Variants in GRM4 observed in about 807,000 individuals in gnomAD.
GRM4 encodes the protein glutamate metabotropic receptor 4.
GRM4 carries 28 observed loss-of-function variants against 81.7 expected under a neutral mutation model. The ratio of observed to expected loss-of-function variants is 0.34; its 90% CI spans 0.25 to 0.47. GRM4 has a LOEUF of 0.47. GRM4 is among the 20% of genes least tolerant of loss of function. The pLI is 1.00. For missense variants in GRM4, 948 were observed against 1,290.0 expected (o/e 0.73, Z 4.06); for synonymous variants, 488 against 528.8 (o/e 0.92, Z 1.06).
intron 9 of GRM4, among the ~76,000 whole-genome samples, chr6:34,031,896 G>A (rs947107361): frequency 2.6e-5 from 4 of 152,026 alleles, no homozygotes; most frequent in Admixed American, 2.6e-4. Flanking sequence ...GTACGTACCT[G>A]CATTGACACA....
chr6:34,122,107 G>A (rs1164230785), intron 2 of GRM4, among the ~76,000 whole-genome samples: 1 of 152,090 alleles, frequency 6.6e-6, no homozygotes, highest in East Asian at 1.9e-4. Context: ...GGGAACAGGT[G>A]GGCTTGACAG....
In GRM4 at chr6:34,061,898, G is replaced by A. The variant is rs554312759; in HGVS notation, c.867C>T (p.Asp289=). The A allele has an allele frequency of 4.3e-6, 7 of 1,611,890 alleles. No homozygotes were observed. In the Admixed American group the frequency reaches 8.3e-5, roughly 19 times the overall value. Residue 289 remains aspartate, a synonymous_variant, in exon 4 of 11, where the codon GAC becomes GAT. Coordinates refer to ENST00000538487, the MANE Select transcript of GRM4 (RefSeq NM_000841.4). ...CTGCTGCCACCTGCCCTCACCTGAT[G>A]TCATCCTCGTTGGCAAAGATGATGA... ...RAVIIFANED[D]IRRVLEAARR... is the part of the protein sequence containing the mutation.
chr6:34,099,515 G>A (rs1214888581), intron 2 of GRM4, among the ~76,000 whole-genome samples: 1 of 152,224 alleles, frequency 6.6e-6, no homozygotes, highest in East Asian at 1.9e-4. Flanking sequence ...GGGACTAGCA[G>A]GGGGGTGCAG....
intron 1 of GRM4, among the ~76,000 whole-genome samples, chr6:34,138,147 C>T (rs919304993): frequency 1.3e-5 from 2 of 152,178 alleles, no homozygotes; most frequent in African/African-American, 2.4e-5. Flanking sequence ...CAACCTTGTC[C>T]TTTGTTTCCC....
intron 3 of GRM4, among the ~76,000 whole-genome samples, chr6:34,077,850 A>G (rs7769527): frequency 0.23 from 35,633 of 152,022 alleles, 7,072 homozygotes; most frequent in African/African-American, 0.53. Context: ...TCCCCTGGGC[A>G]CCTATAACAA....
chr6:34,145,639 G>T (rs1770899338), intron 1 of GRM4, among the ~76,000 whole-genome samples: 1 of 152,232 alleles, frequency 6.6e-6, no homozygotes, highest in Admixed American at 6.5e-5. Flanking sequence ...GGCGCTGAGA[G>T]GGGAGGCTGC....
intron 3 of GRM4, among the ~76,000 whole-genome samples, chr6:34,072,686 CACCATA>C (rs1767007045): frequency 1.0e-5 from 1 of 98,126 alleles, no homozygotes; most frequent in African/African-American, 5.2e-5. Context: ...ACACACACAT[CACCATA>C]CAGATACGCA....
At chr6:34,131,251 C>T (rs79042416) in intron 2 of GRM4, among the ~76,000 whole-genome samples, 20 of 152,236 alleles carry the variant, frequency 1.3e-4, no homozygotes, top group Admixed American at 1.3e-3. Flanking sequence ...CTGCCTACCG[C>T]GAGGGCAGAA....
chr6:34,067,995 C>T (rs1030891055), intron 3 of GRM4, among the ~76,000 whole-genome samples: 3 of 152,236 alleles, frequency 2.0e-5, no homozygotes, highest in South Asian at 2.1e-4. Context: ...GTGTACTGAG[C>T]GCCTCCTATG....
chr6:34,105,835 G>A (rs1007625613), intron 2 of GRM4: 2 of 152,186 alleles, frequency 1.3e-5, no homozygotes, highest in African/African-American at 4.8e-5. Context: ...GCAAATCCTT[G>A]AGTCCTTTTC....
intron 3 of GRM4, among the ~76,000 whole-genome samples, chr6:34,083,146 C>T (rs1284656300): frequency 2.6e-5 from 4 of 152,130 alleles, no homozygotes; most frequent in Non-Finnish European, 5.9e-5. Flanking sequence ...AGCTCAGAGG[C>T]GAATGCAGAC....
At chr6:34,141,487 C>T (rs777060336) in intron 1 of GRM4, among the ~76,000 whole-genome samples, 17 of 152,304 alleles carry the variant, frequency 1.1e-4, no homozygotes, top group Middle Eastern at 6.8e-3. Context: ...ATTTAATATA[C>T]GTGTGTACAC....
At position 34,130,750 on chromosome 6, in the gene GRM4, G is replaced by A. The variant is rs2127509863; in HGVS notation, c.519+2228C>T. The stretch of plus-strand genomic sequence containing the variant: ...GGCCTCTCCACCTCCCTGTAAAGTA[G>A]GCACTCACTCCGCTCTGGAAAACAG... On this transcript the variant is annotated intron_variant, in intron 2 of 10. Transcript: ENST00000538487. This position sits in a 1 kb window ranked among gnomAD's most constrained non-coding sequence, Gnocchi z 4.1. Among the ~76,000 whole-genome samples, 1 of 152,360 alleles carries A rather than the reference G, an allele frequency of 6.6e-6. No individual in the cohort carries two copies. The highest frequency in any genetic ancestry group is 1.5e-5 in the Non-Finnish European group (1 of 68,034).
At chr6:34,054,764 A>T (rs1765788415) in intron 6 of GRM4, 2 of 148,340 alleles carry the variant, frequency 1.3e-5, no homozygotes, top group African/African-American at 2.5e-5. Flanking sequence ...CCCCATCCCC[A>T]CCTCATCCAT....
upstream of GRM4, among the ~76,000 whole-genome samples, chr6:34,148,294 C>T (rs761483819): frequency 1.3e-4 from 20 of 152,118 alleles, no homozygotes; most frequent in Non-Finnish European, 2.8e-4. Context: ...AGCTGGGGCA[C>T]GCTCTTCTCA....
In GRM4 at chr6:34,035,559, T is replaced by TGAAAGAAGGCAGAATGAGGCGA. The variant is rs1198761612; in HGVS notation, c.2442+108_2442+109insTCGCCTCATTCTGCCTTCTTTC. On this transcript the variant is annotated intron_variant, in intron 9 of 10. Coordinates refer to ENST00000538487, the MANE Select transcript of GRM4 (RefSeq NM_000841.4). This position sits in a 1 kb window ranked among gnomAD's most constrained non-coding sequence, Gnocchi z 6.6. ...GCAAGAAAGAAGGCAGAATGAGGCA[T>TGAAAGAAGGCAGAATGAGGCGA]GAAAGAAGGCATTTCTGGAGCAGGG... The TGAAAGAAGGCAGAATGAGGCGA allele has an allele frequency of 1.7e-6, 1 of 577,656 alleles. No homozygotes were observed. The highest frequency in any genetic ancestry group is 3.4e-5 in the Admixed American group (1 of 29,788). The allele number at this position is 577,656 out of a possible 1,614,324, so 35.8% of individuals were successfully genotyped here.
In GRM4 at chr6:34,037,411, G is replaced by T. The variant is rs150955679; in HGVS notation, c.1507-808C>A. Reference sequence around the variant, plus strand: ...CAGGCAAAGGGACTTGACTACACCTGGGAGCTGTATTCAAAGCGACTGTTC... The same window carrying T: ...CAGGCAAAGGGACTTGACTACACCTTGGAGCTGTATTCAAAGCGACTGTTC... On this transcript the variant is annotated intron_variant, in intron 8 of 10. Coordinates refer to ENST00000538487, the MANE Select transcript of GRM4 (RefSeq NM_000841.4). 2.3e-3 allele frequency among the ~76,000 whole-genome samples: 349 copies of T among 152,306 alleles called. 1 individual carries two copies. Among genetic ancestry groups the T allele is most frequent in the Middle Eastern group, 0.02 (6 of 294 alleles).
At chr6:34,134,920 C>A (rs2046821) in intron 1 of GRM4, among the ~76,000 whole-genome samples, 54,745 of 152,094 alleles carry the variant, frequency 0.36, 10,081 homozygotes, top group East Asian at 0.47. Context: ...ACTTCCCTCA[C>A]CCCAGCCTCC....
At chr6:34,110,568 G>T in intron 2 of GRM4, 1 of 618,594 alleles carries the variant, frequency 1.6e-6, no homozygotes, top group South Asian at 2.0e-5. Flanking sequence ...ATCTCTGATT[G>T]AATGTCATCT....
Sources: gnomAD v4.1 joint callset for allele counts (sites outside exome capture counted in the v4.1 genomes callset) on GRCh38, gnomAD v4.1.1 for gene constraint, Gnocchi (gnomAD v3.1) non-coding constraint, MANE v1.5 for transcripts, NCBI Gene and HGNC (gene_info 2026-07-23, HGNC 2026-07-21) for gene names.